The following UGT1A6 variants were observed in gnomAD, a reference collection of about 807,000 sequenced individuals.
UGT1A6 encodes the protein UDP-glucuronosyltransferase 1A6.
In UGT1A6, 32 loss-of-function variants were observed where a neutral mutation model predicts 44.4. That is an observed-to-expected ratio of 0.72 (90% CI 0.54 to 0.97). UGT1A6 has a LOEUF of 0.97. UGT1A6 is among the 50% of genes least tolerant of loss of function. The pLI, the probability that UGT1A6 is intolerant of heterozygous loss-of-function variation, is 0.00. For synonymous variants in UGT1A6, 238 were observed against 248.5 expected (o/e 0.96, Z 0.40); for missense variants, 685 against 661.9 (o/e 1.03, Z -0.38).
At chr2:233,732,288 A>G (rs568891817) in intron 1 of UGT1A6, among the ~76,000 whole-genome samples, 10 of 152,250 alleles carry the variant, frequency 6.6e-5, no homozygotes, top group Non-Finnish European at 1.0e-4. Context: ...GAAGCTCTTT[A>G]GTTTAATTAG....
In UGT1A6 at chr2:233,772,281, C is replaced by T. The variant is rs143033456; in HGVS notation, c.1321C>T (p.Arg441Cys). ...NDKSYKENIM[R>C]LSSLHKDRPV... is the part of the protein sequence containing the mutation. ...GTTTAGTTACAAGGAGAACATCATG[C>T]GCCTCTCCAGCCTTCACAAGGACCG... The change falls in exon 5 of 5, where the codon CGC becomes TGC. Residue 441 changes from arginine to cysteine, a missense_variant. Physicochemically the swap from Arg to Cys is radical, Grantham distance 180. Coordinates refer to ENST00000305139, the MANE Select transcript of UGT1A6 (RefSeq NM_001072.4). 1.3e-4 allele frequency: 210 copies of T among 1,614,084 alleles called. 1 individual carries two copies. Among genetic ancestry groups the T allele is most frequent in the Non-Finnish European group, 1.7e-4 (200 of 1,180,048 alleles).
intron 1 of UGT1A6, among the ~76,000 whole-genome samples, chr2:233,745,501 T>A (rs1359317730): frequency 1.3e-5 from 2 of 151,666 alleles, no homozygotes; most frequent in Non-Finnish European, 2.9e-5. Flanking sequence ...TAAGATTTCC[T>A]ATAGGGTATT....
At chr2:233,746,498 T>C (rs4663968) in intron 1 of UGT1A6, among the ~76,000 whole-genome samples, 12,171 of 151,768 alleles carry the variant, frequency 0.08, 741 homozygotes, top group East Asian at 0.2. Flanking sequence ...TGTCACTCTT[T>C]AGTAGCCCCC....
chr2:233,772,537 C>A lies in UGT1A6; in HGVS notation c.1577C>A (p.Ala526Asp). Residue 526 changes from alanine (A) to aspartate (D), a missense_variant, in exon 5 of 5, where the codon GCC becomes GAC. By Grantham distance (126) the Ala-to-Asp change is moderately radical (BLOSUM62 -2). Coordinates refer to ENST00000305139, the MANE Select transcript of UGT1A6 (RefSeq NM_001072.4). ...CLGKKGRVKK[A>D]HKSKTH ...GGGAAAAAAGGGCGAGTTAAGAAAG[C>A]CCACAAATCCAAGACCCATTGAGAA... 1.9e-6 allele frequency: 3 copies of A among 1,614,090 alleles called. No homozygotes were observed. Among genetic ancestry groups the A allele is most frequent in the Non-Finnish European group, 2.5e-6 (3 of 1,180,000 alleles).
chr2:233,710,161 T>C (rs2076115073), intron 1 of UGT1A6, among the ~76,000 whole-genome samples: 1 of 152,264 alleles, frequency 6.6e-6, no homozygotes, highest in Non-Finnish European at 1.5e-5. Flanking sequence ...CATTTGCTTA[T>C]GCATTTATTT....
chr2:233,759,589 C>A (rs1019080455), intron 1 of UGT1A6, among the ~76,000 whole-genome samples: 1 of 147,434 alleles, frequency 6.8e-6, no homozygotes, highest in African/African-American at 2.5e-5. Context: ...CAGCACGCCC[C>A]CCACCCCCGA....
chr2:233,769,725 C>T lies in UGT1A6; in HGVS notation c.1301+1286C>T, dbSNP rs1699926771. The T allele has an allele frequency of 6.7e-7, 1 of 1,483,194 alleles. No homozygotes were observed. Among genetic ancestry groups the T allele is most frequent in the Non-Finnish European group, 9.0e-7 (1 of 1,115,276 alleles). 91.9% of individuals were successfully genotyped at this position (1,483,194 alleles called of 1,614,324 possible). On this transcript the variant is annotated intron_variant, in intron 4 of 4. Transcript: ENST00000305139. This position sits in a 1 kb window ranked among gnomAD's most constrained non-coding sequence, Gnocchi z 4.4. The stretch of plus-strand genomic sequence containing the variant: ...TCAATGTTGGCTAGGCACCATGGCA[C>T]ACGCCTGTAGTCCCAGCCACTCTGG...
intron 1 of UGT1A6, among the ~76,000 whole-genome samples, chr2:233,724,344 CCCCCA>C (rs2077230928): frequency 6.9e-6 from 1 of 144,984 alleles, no homozygotes; most frequent in East Asian, 2.2e-4. Flanking sequence ...GGGCTGACCC[CCCCCA>C]CCTCCCTCCC....
chr2:233,760,575 G>C, intron 1 of UGT1A6: 1 of 1,614,226 alleles, frequency 6.2e-7, no homozygotes. Flanking sequence ...TTAGTCTCGG[G>C]CATAATGTTT....
In UGT1A6 at chr2:233,740,888, C is replaced by A. The variant is rs557749460; in HGVS notation, c.862-26146C>A. On this transcript the variant is annotated intron_variant, in intron 1 of 4. Coordinates refer to ENST00000305139, the MANE Select transcript of UGT1A6 (RefSeq NM_001072.4). ...TTTAAATAAAATGCTCTTGCAGGGA[C>A]AACATAGTAGGTCAACATTGTTCCC... The A allele has an allele frequency of 9.3e-5, 14 of 150,988 alleles. No individual in the cohort carries two copies. In the East Asian group the frequency reaches 9.7e-4, roughly 10 times the overall value. The allele number at this position is 150,988 out of a possible 1,614,324, so 9.4% of individuals were successfully genotyped here. A position where few individuals can be genotyped will look rare whatever the true frequency, so the allele number is the denominator to read the frequency against.
chr2:233,747,871 T>C (rs12466997), intron 1 of UGT1A6: 130,796 of 1,613,384 alleles, frequency 0.081, 8,579 homozygotes, highest in African/African-American at 0.27. Context: ...CCTCTGGCCC[T>C]GTCCTACCTT....
At chr2:233,738,879 G>A (rs1446343091) in intron 1 of UGT1A6, 1 of 152,238 alleles carries the variant, frequency 6.6e-6, no homozygotes, top group Admixed American at 6.5e-5. Context: ...TCCAGGGCAT[G>A]TCAGAGACCT....
At chr2:233,747,868 C>T (rs1693797482) in intron 1 of UGT1A6, 2 of 1,613,534 alleles carry the variant, frequency 1.2e-6, no homozygotes, top group Non-Finnish European at 1.7e-6. Flanking sequence ...TACCCTCTGG[C>T]CCTGTCCTAC....
chr2:233,730,058 A>C, intron 1 of UGT1A6: 3 of 1,611,656 alleles, frequency 1.9e-6, no homozygotes, highest in Non-Finnish European at 2.5e-6. Context: ...AAATGTATTT[A>C]TTTAAAATTG....
intron 1 of UGT1A6, among the ~76,000 whole-genome samples, chr2:233,733,067 T>G (rs1039618890): frequency 2.0e-5 from 3 of 152,180 alleles, no homozygotes; most frequent in Non-Finnish European, 4.4e-5. Flanking sequence ...ATTCTCTTTG[T>G]AGCAATTGTG....
At chr2:233,729,643 T>C (rs1469650608) in intron 1 of UGT1A6, 1 of 1,613,972 alleles carries the variant, frequency 6.2e-7, no homozygotes, top group East Asian at 2.2e-5. Context: ...TGTGTTTTTT[T>C]TGAGGAACAT....
chr2:233,748,442 C>T (rs1311049302), intron 1 of UGT1A6, among the ~76,000 whole-genome samples: 3 of 151,720 alleles, frequency 2.0e-5, no homozygotes, highest in Non-Finnish European at 2.9e-5. Flanking sequence ...TTTGTTTGCA[C>T]AATTTTCAGG....
intron 1 of UGT1A6, among the ~76,000 whole-genome samples, chr2:233,730,808 C>A (rs2078077498): frequency 6.6e-6 from 1 of 152,092 alleles, no homozygotes; most frequent in Non-Finnish European, 1.5e-5. Flanking sequence ...GGACATGCGT[C>A]CAAGAAGGGA....
Position 233,693,454 on chromosome 2 carries a change from C to T in UGT1A6, c.450C>T (p.Asp150=), listed in dbSNP as rs1319320427. The change falls in exon 1 of 5, where the codon GAC becomes GAT. Residue 150 remains aspartate (D), a synonymous_variant. Transcript: ENST00000305139. Reference sequence around the variant, plus strand: ...GCAAGTTTGATGCTCTTTTCACAGACCCAGCCTTACCCTGTGGGGTGATCC... The same window carrying T: ...GCAAGTTTGATGCTCTTTTCACAGATCCAGCCTTACCCTGTGGGGTGATCC... ...KESKFDALFT[D]PALPCGVILA... is the part of the protein sequence containing the mutation. The T allele has an allele frequency of 6.2e-7, 1 of 1,614,134 alleles. No individual in the cohort carries two copies. The highest frequency in any genetic ancestry group is 1.7e-5 in the Admixed American group (1 of 60,020).
Sources: gnomAD v4.1 joint callset for allele counts (sites outside exome capture counted in the v4.1 genomes callset) on GRCh38, gnomAD v4.1.1 for gene constraint, Gnocchi (gnomAD v3.1) non-coding constraint, MANE v1.5 for transcripts, NCBI Gene and HGNC (gene_info 2026-07-23, HGNC 2026-07-21) for gene names.